FRMD4B: variants seen among roughly 807,000 people sequenced by gnomAD.
FRMD4B encodes FERM domain-containing protein 4B.
In FRMD4B, 74 loss-of-function variants were observed where a neutral mutation model predicts 141.5. The ratio of observed to expected loss-of-function variants is 0.52; its 90% CI spans 0.43 to 0.63. FRMD4B has a LOEUF of 0.63. Among genes scored for constraint, FRMD4B ranks in the 30% least tolerant of loss-of-function variants. FRMD4B has a pLI of 0.00. For missense variants in FRMD4B, 1,366 were observed against 1,253.4 expected, an observed-to-expected ratio of 1.09 and a Z score of -1.36; for synonymous variants, 506 against 467.9, an observed-to-expected ratio of 1.08 and a Z score of -1.05.
chr3:69,291,660 C>CTAAA (rs1700879548), intron 4 of FRMD4B, among the ~76,000 whole-genome samples: 1 of 152,118 alleles, frequency 6.6e-6, no homozygotes, highest in Non-Finnish European at 1.5e-5. Context: ...TTAGAATGAC[C>CTAAA]TAAAGATCAA....
At chr3:69,497,189 A>C (rs72935592) in intron 1 of FRMD4B, among the ~76,000 whole-genome samples, 7,452 of 152,316 alleles carry the variant, frequency 0.049, 265 homozygotes, top group East Asian at 0.099. Context: ...AATGGAGAAA[A>C]TATTTGGAGC....
At position 69,181,308 on chromosome 3, in the gene FRMD4B, C is replaced by G. The variant is rs372262060; in HGVS notation, c.2442G>C (p.Glu814Asp). The G allele has an allele frequency of 9.1e-5, 147 of 1,613,862 alleles. No individual in the cohort carries two copies. The highest frequency in any genetic ancestry group is 1.1e-4 in the Non-Finnish European group (131 of 1,179,880). ...YYIAGYTPYA[E>D]CDFYYSGGYV... ...AACCACCACTGTAATAAAAGTCACA[C>G]TCTGCATAGGGTGTGTACCCGGCAA... Residue 814 changes from glutamate to aspartate, a missense_variant, in exon 21 of 23, where the codon GAG (glutamate) becomes GAC (aspartate). By Grantham distance (45) the Glu-to-Asp change is conservative. Coordinates refer to ENST00000398540, the MANE Select transcript of FRMD4B (RefSeq NM_015123.3).
At chr3:69,466,029 T>C (rs1705780305) in intron 1 of FRMD4B, among the ~76,000 whole-genome samples, 1 of 152,190 alleles carries the variant, frequency 6.6e-6, no homozygotes, top group Non-Finnish European at 1.5e-5. Context: ...AGCCTTCCTA[T>C]TTCTCCACAT....
chr3:69,376,542 C>A (rs1030974380), intron 1 of FRMD4B, among the ~76,000 whole-genome samples: 1 of 151,738 alleles, frequency 6.6e-6, no homozygotes, highest in African/African-American at 2.4e-5. Flanking sequence ...AAAGCTTTAC[C>A]TAAACACACA....
chr3:69,279,010 A>G (rs778924587), intron 5 of FRMD4B, among the ~76,000 whole-genome samples: 22 of 152,088 alleles, frequency 1.4e-4, no homozygotes, highest in Non-Finnish European at 2.1e-4. Context: ...ACAAAGTATC[A>G]TCAGACACAT....
intron 1 of FRMD4B, among the ~76,000 whole-genome samples, chr3:69,476,387 G>A (rs1250092948): frequency 1.3e-5 from 2 of 152,154 alleles, no homozygotes; most frequent in Non-Finnish European, 2.9e-5. Context: ...TTTATAAGGT[G>A]TAAGCAAGGG....
chr3:69,182,588 G>C lies in FRMD4B; in HGVS notation c.2039+10C>G, dbSNP rs368265020. The stretch of plus-strand genomic sequence containing the variant: ...AGACAGCTAAAGCAATGAGAAAGAA[G>C]CTCTCTTACTCCAAGTGGCTGCTGC... On this transcript the variant is annotated intron_variant, in intron 20 of 22. Transcript: ENST00000398540. The C allele has an allele frequency of 1.3e-6, 2 of 1,592,256 alleles. No individual in the cohort carries two copies. The highest frequency in any genetic ancestry group is 2.3e-5 in the South Asian group (2 of 88,064).
Position 69,200,845 on chromosome 3 carries a change from C to A in FRMD4B, c.877-2071G>T, listed in dbSNP as rs1018229481. ...TGAACAGGTTCTACAGGAAGAGTTACAATGCAGCTCAGCTGTGTTTTCCTT... is the reference window on the plus strand; with the variant it reads ...TGAACAGGTTCTACAGGAAGAGTTAAAATGCAGCTCAGCTGTGTTTTCCTT... On this transcript the variant is annotated intron_variant, in intron 11 of 22. Coordinates refer to ENST00000398540, the MANE Select transcript of FRMD4B (RefSeq NM_015123.3). 2.0e-4 allele frequency: 92 copies of A among 469,116 alleles called. 2 individuals carry two copies. The highest frequency in any genetic ancestry group is 1.6e-3 in the Admixed American group (67 of 42,576). 29.1% of individuals were successfully genotyped at this position (469,116 alleles called of 1,614,324 possible).
rs13095175 is a variant in FRMD4B at position 69,453,016 on chromosome 3, C to G, written c.-128-20255G>C. 2.0e-5 allele frequency among the ~76,000 whole-genome samples: 3 copies of G among 152,362 alleles called. 1 individual carries two copies. In the East Asian group the frequency reaches 5.8e-4, roughly 29 times the overall value. ...ATCCAGTGTGTGCTTTATATTTACA[C>G]TACATCTCAATTTGGCCTTGCCATG... On this transcript the variant is annotated intron_variant, in intron 1 of 5. Coordinates refer to the FRMD4B transcript ENST00000459638.
chr3:69,395,025 G>A (rs977568690), intron 2 of FRMD4B, among the ~76,000 whole-genome samples: 9 of 152,046 alleles, frequency 5.9e-5, no homozygotes, highest in Non-Finnish European at 8.8e-5. Context: ...GGGGGTGGAG[G>A]GCAAGGGGAG....
chr3:69,297,676 C>T (rs1221930717), intron 4 of FRMD4B, among the ~76,000 whole-genome samples: 1 of 152,108 alleles, frequency 6.6e-6, no homozygotes, highest in Non-Finnish European at 1.5e-5. Context: ...CACTGTCAAG[C>T]CTTTCAAATG....
intron 1 of FRMD4B, among the ~76,000 whole-genome samples, chr3:69,505,377 C>CAAAAACA (rs1261396656): frequency 6.6e-6 from 1 of 151,440 alleles, no homozygotes; most frequent in South Asian, 2.1e-4. Context: ...GACCCTATCT[C>CAAAAACA]AAAAACAAAA....
At chr3:69,530,840 A>T (rs1346369728) in intron 1 of FRMD4B, among the ~76,000 whole-genome samples, 1 of 152,254 alleles carries the variant, frequency 6.6e-6, no homozygotes, top group Non-Finnish European at 1.5e-5. Context: ...CCCAGAAATC[A>T]GCAAAAATGC....
chr3:69,364,821 T>C (rs1703590423), intron 1 of FRMD4B, among the ~76,000 whole-genome samples: 1 of 151,786 alleles, frequency 6.6e-6, no homozygotes, highest in South Asian at 2.1e-4. Context: ...AAAGAAAAAA[T>C]AAATGGTGCA....
intron 18 of FRMD4B, 121 bp from the exon 19 acceptor site, chr3:69,188,038 A>G (rs1052789873): frequency 4.6e-6 from 3 of 656,104 alleles, no homozygotes; most frequent in Non-Finnish European, 8.1e-6. Flanking sequence ...TCTTCCAAAG[A>G]TGATATTTTT....
At chr3:69,218,879 C>G (rs1239103085) in intron 9 of FRMD4B, among the ~76,000 whole-genome samples, 1 of 151,988 alleles carries the variant, frequency 6.6e-6, no homozygotes, top group Non-Finnish European at 1.5e-5. Context: ...TATGTCCCCC[C>G]AGGCTGGGCG....
Position 69,185,294 on chromosome 3 carries a change from C to T in FRMD4B, c.1919+2476G>A, listed in dbSNP as rs536071704. Among the ~76,000 whole-genome samples the T allele has an allele frequency of 9.2e-5, 13 of 141,414 alleles. No individual in the cohort carries two copies. In the South Asian group the frequency reaches 3.0e-3, roughly 32 times the overall value. 92.8% of individuals were successfully genotyped at this position (141,414 alleles called of 152,430 possible). A position where few individuals can be genotyped will look rare whatever the true frequency, so the allele number is the denominator to read the frequency against. On this transcript the variant is annotated intron_variant, in intron 19 of 22. Coordinates refer to ENST00000398540, the MANE Select transcript of FRMD4B (RefSeq NM_015123.3). ...CCAGCCTGGGTGGCAGAGTGAGACT[C>T]CGTCTCAAAAAAAAAAAAAAAAGAA...
chr3:69,274,057 A>G lies in FRMD4B; in HGVS notation c.501+13695T>C, dbSNP rs371482548. Among the ~76,000 whole-genome samples the G allele has an allele frequency of 8.5e-5, 13 of 152,264 alleles. 1 individual carries two copies. The highest frequency in any genetic ancestry group is 2.6e-4 in the African/African-American group (11 of 41,552). On this transcript the variant is annotated intron_variant, in intron 5 of 22. Transcript: ENST00000398540. ...AGACAAGTATATCAAAAAGGCATGG[A>G]GGCTTGAGAAAGACTAGGATGCATC...
At chr3:69,375,128 C>G (rs1239623528) in intron 1 of FRMD4B, among the ~76,000 whole-genome samples, 4 of 150,716 alleles carry the variant, frequency 2.7e-5, no homozygotes, top group Admixed American at 6.6e-5. Context: ...ATCCAACATC[C>G]ATCCATCTAA....
Sources: gnomAD v4.1 joint callset for allele counts (sites outside exome capture counted in the v4.1 genomes callset) on GRCh38, gnomAD v4.1.1 for gene constraint, MANE v1.5 for transcripts, NCBI Gene and HGNC (gene_info 2026-07-23, HGNC 2026-07-21) for gene names.